The following ADGRB3 variants were observed in gnomAD, a reference collection of about 807,000 sequenced individuals.
The protein encoded by ADGRB3 is adhesion G protein-coupled receptor B3.
ADGRB3 carries 37 observed loss-of-function variants against 193.4 expected under a neutral mutation model. The observed-to-expected ratio is 0.19, with a 90% CI of 0.15 to 0.25. The LOEUF is 0.25. ADGRB3 is among the 10% of genes least tolerant of loss of function. ADGRB3 has a pLI of 1.00. For missense variants in ADGRB3, 1,637 were observed against 1,852.9 expected (o/e 0.88, Z 2.14); for synonymous variants, 690 against 644.2 (o/e 1.07, Z -1.08).
intron 3 of ADGRB3, among the ~76,000 whole-genome samples, chr6:68,670,414 G>T (rs1218665182): frequency 6.6e-6 from 1 of 151,946 alleles, no homozygotes; most frequent in Non-Finnish European, 1.5e-5. Context: ...TTAGATTTAA[G>T]TCTTTCATTC....
At chr6:68,896,924 T>C (rs546516489) in intron 3 of ADGRB3, among the ~76,000 whole-genome samples, 1 of 152,214 alleles carries the variant, frequency 6.6e-6, no homozygotes, top group East Asian at 1.9e-4. Flanking sequence ...TCCCATAGTA[T>C]TTGAAAACCA....
intron 3 of ADGRB3, among the ~76,000 whole-genome samples, chr6:68,885,166 G>C (rs1463728728): frequency 6.6e-6 from 1 of 152,042 alleles, no homozygotes; most frequent in African/African-American, 2.4e-5. Flanking sequence ...TTATAAAACT[G>C]GGAGAATTTG....
intron 3 of ADGRB3, among the ~76,000 whole-genome samples, chr6:68,918,450 G>C (rs897826539): frequency 3.9e-5 from 6 of 152,044 alleles, no homozygotes; most frequent in Non-Finnish European, 7.4e-5. Context: ...ATGTTTAATG[G>C]ATATTACTAA....
chr6:68,890,714 C>CAG (rs978338818), intron 3 of ADGRB3, among the ~76,000 whole-genome samples: 4 of 151,916 alleles, frequency 2.6e-5, no homozygotes, highest in African/African-American at 9.7e-5. Context: ...AAGGAAGAGG[C>CAG]AGAGAGAGAG....
chr6:69,034,925 G>C (rs1234850844), intron 13 of ADGRB3, among the ~76,000 whole-genome samples: 1 of 151,814 alleles, frequency 6.6e-6, no homozygotes, highest in Non-Finnish European at 1.5e-5. Flanking sequence ...TTTGTTTGAG[G>C]ATTTGTTTGT....
At position 69,068,685 on chromosome 6, in the gene ADGRB3, T is replaced by C. The variant is rs527718509; in HGVS notation, c.2436+5649T>C. 1.8e-4 allele frequency among the ~76,000 whole-genome samples: 27 copies of C among 152,336 alleles called. No homozygotes were observed. The South Asian group carries it at 5.6e-3, about 32-fold the overall frequency. On this transcript the variant is annotated intron_variant, in intron 16 of 31. Transcript: ENST00000370598. Reference sequence around the variant, plus strand: ...CTGGAAATAATGCAGGTTAGTGATATATCTCAGAAATTAGAGAAGCAAGCT... The same window carrying C: ...CTGGAAATAATGCAGGTTAGTGATACATCTCAGAAATTAGAGAAGCAAGCT...
chr6:69,302,934 A>C (rs1220101872), intron 20 of ADGRB3, among the ~76,000 whole-genome samples: 1 of 151,976 alleles, frequency 6.6e-6, no homozygotes, highest in Admixed American at 6.6e-5. Flanking sequence ...AAGAATTTCA[A>C]GATATGGATC....
chr6:69,137,617 T>G (rs1278012388), intron 17 of ADGRB3, among the ~76,000 whole-genome samples: 1 of 151,982 alleles, frequency 6.6e-6, no homozygotes, highest in East Asian at 1.9e-4. Flanking sequence ...GCCAATATGA[T>G]GAAACCCCAT....
chr6:68,948,949 G>C (rs1767843904), intron 6 of ADGRB3, among the ~76,000 whole-genome samples: 1 of 151,704 alleles, frequency 6.6e-6, no homozygotes, highest in Admixed American at 6.6e-5. Context: ...TATTTACTTG[G>C]GCAATTTATA....
intron 3 of ADGRB3, among the ~76,000 whole-genome samples, chr6:68,642,248 A>G (rs1437083224): frequency 6.6e-6 from 1 of 152,140 alleles, no homozygotes; most frequent in East Asian, 1.9e-4. Context: ...GAGTCTTCAC[A>G]CTTAGTAGAT....
At chr6:68,790,912 C>A (rs1309270443) in intron 3 of ADGRB3, among the ~76,000 whole-genome samples, 3 of 152,230 alleles carry the variant, frequency 2.0e-5, no homozygotes, top group African/African-American at 7.2e-5. Context: ...CAGCTCCTCA[C>A]CATTTATGAC....
At chr6:68,669,238 CTT>C (rs1321562351) in intron 3 of ADGRB3, among the ~76,000 whole-genome samples, 1 of 151,828 alleles carries the variant, frequency 6.6e-6, no homozygotes, top group African/African-American at 2.4e-5. Flanking sequence ...CAATTACACT[CTT>C]TTAGTTTTTT....
intron 12 of ADGRB3, among the ~76,000 whole-genome samples, chr6:69,017,495 C>A (rs1770128962): frequency 6.6e-6 from 1 of 151,854 alleles, no homozygotes; most frequent in Non-Finnish European, 1.5e-5. Flanking sequence ...ATTCATGTGA[C>A]ATTTTCAATA....
At chr6:69,207,239 CA>C (rs1190368026) in intron 17 of ADGRB3, among the ~76,000 whole-genome samples, 4 of 152,064 alleles carry the variant, frequency 2.6e-5, no homozygotes, top group South Asian at 2.1e-4. Context: ...GAATGGGAAG[CA>C]AAAAAATTTG....
At chr6:69,287,443 G>A (rs1340103239) in intron 20 of ADGRB3, among the ~76,000 whole-genome samples, 8 of 151,466 alleles carry the variant, frequency 5.3e-5, no homozygotes, top group Non-Finnish European at 1.0e-4. Context: ...TGATTGCAAT[G>A]AGAAAAAGAA....
At chr6:69,233,762 GT>G (rs1766203396) in intron 18 of ADGRB3, among the ~76,000 whole-genome samples, 1 of 152,112 alleles carries the variant, frequency 6.6e-6, no homozygotes, top group Admixed American at 6.5e-5. Flanking sequence ...ATTTTAGAGG[GT>G]ATTGTTAGTA....
At chr6:69,165,209 G>A (rs1225742917) in intron 17 of ADGRB3, among the ~76,000 whole-genome samples, 1 of 151,902 alleles carries the variant, frequency 6.6e-6, no homozygotes, top group Non-Finnish European at 1.5e-5. Flanking sequence ...AAAAGGCTTC[G>A]AACATTCTCC....
intron 20 of ADGRB3, among the ~76,000 whole-genome samples, chr6:69,253,919 A>G (rs1766686401): frequency 6.6e-6 from 1 of 152,108 alleles, no homozygotes; most frequent in African/African-American, 2.4e-5. Flanking sequence ...AGGCATATAG[A>G]AGGGCATGCC....
At chr6:68,679,755 T>C (rs1412936131) in intron 3 of ADGRB3, among the ~76,000 whole-genome samples, 1 of 152,038 alleles carries the variant, frequency 6.6e-6, no homozygotes, top group Non-Finnish European at 1.5e-5. Context: ...TAAACCAAAA[T>C]ACACTTTAGT....
Sources: allele counts gnomAD v4.1 joint callset (sites outside exome capture counted in the v4.1 genomes callset), GRCh38; gene constraint gnomAD v4.1.1; transcripts MANE v1.5; gene names NCBI Gene and HGNC (gene_info 2026-07-23, HGNC 2026-07-21).